The following SYNDIG1 variants were observed in gnomAD, a reference collection of about 807,000 sequenced individuals.
SYNDIG1 encodes the protein synapse differentiation-inducing gene protein 1.
In SYNDIG1, 9 loss-of-function variants were observed where a neutral mutation model predicts 19.4. The observed-to-expected ratio is 0.46, with a 90% CI of 0.28 to 0.81. The LOEUF is 0.81. Among genes scored for constraint, SYNDIG1 ranks in the 30% least tolerant of loss-of-function variants. SYNDIG1 has a pLI of 0.12. For synonymous variants in SYNDIG1, 141 were observed against 145.9 expected, an observed-to-expected ratio of 0.97 and a Z score of 0.24; for missense variants, 311 against 343.3, an observed-to-expected ratio of 0.91 and a Z score of 0.74.
At chr20:24,602,591 G>T (rs1417818934) in intron 3 of SYNDIG1, among the ~76,000 whole-genome samples, 1 of 152,140 alleles carries the variant, frequency 6.6e-6, no homozygotes, top group Non-Finnish European at 1.5e-5. Context: ...CACCTCTTAT[G>T]GTCAGCAAAC....
intron 3 of SYNDIG1, among the ~76,000 whole-genome samples, chr20:24,635,704 T>C (rs959289853): frequency 6.6e-6 from 1 of 152,216 alleles, no homozygotes; most frequent in African/African-American, 2.4e-5. Context: ...TATTCACACA[T>C]GCCTCTTGTT....
chr20:24,500,534 T>TTTCTTCTTTCTTTCTTTC (rs1555786870), intron 1 of SYNDIG1, among the ~76,000 whole-genome samples: 62 of 142,718 alleles, frequency 4.3e-4, no homozygotes, highest in African/African-American at 1.5e-3. Flanking sequence ...TTCTTTCTTC[T>TTTCTTCTTTCTTTCTTTC]TTCTTTCTTT....
intron 1 of SYNDIG1, among the ~76,000 whole-genome samples, chr20:24,514,070 A>ATGCTGAGAGATTTTGG (rs1366612122): frequency 6.6e-6 from 1 of 152,208 alleles, no homozygotes; most frequent in African/African-American, 2.4e-5. Context: ...AGAGAAGCAA[A>ATGCTGAGAGATTTTGG]TGCTGAGAGA....
intron 1 of SYNDIG1, among the ~76,000 whole-genome samples, chr20:24,524,891 C>G (rs965460316): frequency 1.3e-5 from 2 of 152,078 alleles, no homozygotes; most frequent in Admixed American, 6.6e-5. Context: ...GGTATCTTTG[C>G]TTTCTGTTTC....
At chr20:24,628,660 G>A (rs750418928) in intron 3 of SYNDIG1, among the ~76,000 whole-genome samples, 11 of 152,232 alleles carry the variant, frequency 7.2e-5, no homozygotes, top group Non-Finnish European at 1.5e-4. Context: ...CACATTGTGA[G>A]TGGCAGTGGG....
intron 1 of SYNDIG1, among the ~76,000 whole-genome samples, chr20:24,498,704 G>A (rs940893912): frequency 6.6e-6 from 1 of 152,180 alleles, no homozygotes. Context: ...TGTTCACTTA[G>A]CATAATGTCC....
chr20:24,481,116 G>T (rs769990085), intron 1 of SYNDIG1, among the ~76,000 whole-genome samples: 2 of 152,168 alleles, frequency 1.3e-5, no homozygotes, highest in African/African-American at 2.4e-5. Context: ...TGTTGTGTGT[G>T]TGTGTGTTTT....
chr20:24,480,770 C>T (rs1478507802), intron 1 of SYNDIG1, among the ~76,000 whole-genome samples: 1 of 152,194 alleles, frequency 6.6e-6, no homozygotes, highest in Non-Finnish European at 1.5e-5. Context: ...GTGCTAAACA[C>T]ATACAGTGAA....
intron 2 of SYNDIG1, among the ~76,000 whole-genome samples, chr20:24,559,360 G>A (rs1270023942): frequency 2.6e-5 from 4 of 152,106 alleles, no homozygotes; most frequent in Non-Finnish European, 5.9e-5. Context: ...TGTAATTTGG[G>A]TGATGGATAT....
chr20:24,648,994 G>C (rs754191518), intron 3 of SYNDIG1, among the ~76,000 whole-genome samples: 6 of 152,222 alleles, frequency 3.9e-5, no homozygotes, highest in Non-Finnish European at 8.8e-5. Flanking sequence ...GAAAAAAGGT[G>C]AGCAAAAAGG....
intron 3 of SYNDIG1, among the ~76,000 whole-genome samples, chr20:24,635,822 G>A (rs903115977): frequency 3.3e-5 from 5 of 152,086 alleles, no homozygotes; most frequent in African/African-American, 1.2e-4. Flanking sequence ...TCCACACTCA[G>A]CCATTTGCAT....
intron 1 of SYNDIG1, among the ~76,000 whole-genome samples, chr20:24,542,760 G>T (rs1017668486): frequency 2.0e-5 from 3 of 152,212 alleles, no homozygotes; most frequent in African/African-American, 7.2e-5. Flanking sequence ...CTGCAAGGGA[G>T]CCAATTCCTG....
intron 1 of SYNDIG1, among the ~76,000 whole-genome samples, chr20:24,479,527 C>T (rs1354402590): frequency 6.6e-6 from 1 of 152,150 alleles, no homozygotes; most frequent in African/African-American, 2.4e-5. Flanking sequence ...CTTCCCATGC[C>T]CCTTCCTCTG....
intron 1 of SYNDIG1, among the ~76,000 whole-genome samples, chr20:24,516,802 G>A (rs1392004171): frequency 6.6e-6 from 1 of 152,152 alleles, no homozygotes; most frequent in Non-Finnish European, 1.5e-5. Flanking sequence ...ATTTGACCCA[G>A]CCATCTCATT....
At chr20:24,570,236 G>A (rs533589555) in intron 2 of SYNDIG1, among the ~76,000 whole-genome samples, 13 of 152,148 alleles carry the variant, frequency 8.5e-5, no homozygotes, top group East Asian at 3.8e-4. Flanking sequence ...GTAACCTAGG[G>A]TAAGGTGAAG....
chr20:24,576,620 C>A (rs1380351437), intron 2 of SYNDIG1, among the ~76,000 whole-genome samples: 1 of 152,184 alleles, frequency 6.6e-6, no homozygotes. Context: ...GCACTTGGCG[C>A]TGACGGGAAG....
chr20:24,567,680 C>T (rs1394509886), intron 2 of SYNDIG1, among the ~76,000 whole-genome samples: 1 of 152,242 alleles, frequency 6.6e-6, no homozygotes, highest in African/African-American at 2.4e-5. Context: ...TCCAGCAGGG[C>T]CTGTGCCCAC....
intron 1 of SYNDIG1, among the ~76,000 whole-genome samples, chr20:24,522,710 GA>G (rs890380900): frequency 1.3e-5 from 2 of 152,138 alleles, no homozygotes; most frequent in African/African-American, 4.8e-5. Context: ...CATTTGTAAA[GA>G]AAAGAGGCTT....
intron 3 of SYNDIG1, among the ~76,000 whole-genome samples, chr20:24,615,197 T>C (rs2147196489): frequency 6.6e-6 from 1 of 152,310 alleles, no homozygotes; most frequent in Non-Finnish European, 1.5e-5. Context: ...ATAGCCTGCC[T>C]CTCCTGTGTG....
Sources: allele counts gnomAD v4.1 joint callset (sites outside exome capture counted in the v4.1 genomes callset), GRCh38; gene constraint gnomAD v4.1.1; transcripts MANE v1.5; gene names NCBI Gene and HGNC (gene_info 2026-07-23, HGNC 2026-07-21).